Variants in GET1 observed in about 807,000 individuals in gnomAD.
GET1 encodes guided entry of tail-anchored proteins factor 1.
In GET1, 20 loss-of-function variants were observed where a neutral mutation model predicts 22.6. The observed-to-expected ratio is 0.89, with a 90% CI of 0.62 to 1.29. GET1 has a LOEUF of 1.29. GET1 is among the 50% of genes most tolerant of loss of function. The probability of loss-of-function intolerance (pLI) is 0.00; values close to 1 mark genes in which losing one functional copy is unlikely to be tolerated. For synonymous variants in GET1, 92 were observed against 83.8 expected, an observed-to-expected ratio of 1.10 and a Z score of -0.53; for missense variants, 209 against 219.9, an observed-to-expected ratio of 0.95 and a Z score of 0.31.
At position 39,396,905 on chromosome 21, in the gene GET1, A is replaced by G. The variant is rs2038693537; in HGVS notation, c.491A>G (p.Lys164Arg). 1 of 1,613,902 alleles carries G rather than the reference A, an allele frequency of 6.2e-7. No individual in the cohort carries two copies. Among genetic ancestry groups the G allele is most frequent in the Non-Finnish European group, 8.5e-7 (1 of 1,180,028 alleles). ...GITCWILVCN[K>R]VVAIVLHPFS is the part of the protein sequence containing the mutation. ...ACCTGTTGGATTTTAGTCTGTAACA[A>G]AGTTGTCGCTATTGTGCTTCATCCG... The change falls in exon 5 of 5, where the codon AAA (lysine) becomes AGA (arginine). Residue 164 changes from lysine to arginine, a missense_variant. Transcript: ENST00000649170.
chr21:39,398,528 G>A (rs2038757005), downstream of GET1, among the ~76,000 whole-genome samples: 1 of 151,958 alleles, frequency 6.6e-6, no homozygotes, highest in East Asian at 1.9e-4. Flanking sequence ...TTCCCCATGC[G>A]TGAATAGTTT....
intron 1 of GET1, among the ~76,000 whole-genome samples, chr21:39,381,856 G>T (rs1239242716): frequency 6.6e-6 from 1 of 151,968 alleles, no homozygotes; most frequent in African/African-American, 2.4e-5. Context: ...TCCCACCTCA[G>T]CCTCCCAAGT....
At chr21:39,383,165 A>C (rs912323932) in intron 1 of GET1, among the ~76,000 whole-genome samples, 1 of 152,032 alleles carries the variant, frequency 6.6e-6, no homozygotes, top group Non-Finnish European at 1.5e-5. Flanking sequence ...CGAATTAGCC[A>C]GGATGGTCTC....
In GET1 at chr21:39,390,542, C is replaced by T. The variant is rs370443053; in HGVS notation, c.103-156C>T. 1.5e-3 allele frequency among the ~76,000 whole-genome samples: 225 copies of T among 152,280 alleles called. 7 individuals carry two copies. In the South Asian group the frequency reaches 0.032, roughly 22 times the overall value. On this transcript the variant is annotated intron_variant, in intron 1 of 4. Transcript: ENST00000649170. ...CTTTGCTCTTTATCAGTCCTGGGAA[C>T]GTTCACGGCCGCAGTTTGCATTCAG...
At chr21:39,411,408 A>T (rs73365940), downstream of GET1, among the ~76,000 whole-genome samples, 1 of 152,156 alleles carries the variant, frequency 6.6e-6, no homozygotes, top group African/African-American at 2.4e-5. Flanking sequence ...AAAGCCATAC[A>T]CTGGCTAACA....
chr21:39,414,861 A>T (rs2040859791), intron 1 of GET1, among the ~76,000 whole-genome samples: 1 of 151,514 alleles, frequency 6.6e-6, no homozygotes, highest in Non-Finnish European at 1.5e-5. Context: ...ATCTTCCAGA[A>T]ATTCTTTGTT....
At chr21:39,408,593 T>C (rs545388098), downstream of GET1, 12 of 152,428 alleles carry the variant, frequency 7.9e-5, no homozygotes, top group South Asian at 2.3e-3. Context: ...GTACTCTCTA[T>C]CAAACCCTGC....
Position 39,405,351 on chromosome 21 carries a change from A to G in GET1, c.350-563A>G, listed in dbSNP as rs1324828090. Among the ~76,000 whole-genome samples, 4 of 149,644 alleles carry G rather than the reference A, an allele frequency of 2.7e-5. No homozygotes were observed. In the East Asian group the frequency reaches 6.1e-4, roughly 23 times the overall value. ...TGGGACTACAGGCACACACCACCAC[A>G]CCTGGCTAATTCTTATAATTTTTGT... On this transcript the variant is annotated intron_variant, in intron 4 of 4. Transcript: ENST00000415847.
chr21:39,422,135 GAAGA>G (rs887601784), intron 1 of GET1: 3 of 152,138 alleles, frequency 2.0e-5, no homozygotes, highest in Admixed American at 6.5e-5. Context: ...TTTAACAACA[GAAGA>G]AATAACTGAG....
At chr21:39,420,778 C>G (rs753785112) in intron 1 of GET1, 3 of 1,613,632 alleles carry the variant, frequency 1.9e-6, no homozygotes, top group Non-Finnish European at 2.5e-6. Context: ...CTAAAGTCTT[C>G]CGAGTCTCAA....
chr21:39,386,398 G>A (rs535985673), intron 1 of GET1: 1 of 152,374 alleles, frequency 6.6e-6, no homozygotes, highest in Admixed American at 6.5e-5. Context: ...ACTCAGAAGC[G>A]CGCTTGTGAA....
At chr21:39,398,913 T>C (rs1323796215), downstream of GET1, among the ~76,000 whole-genome samples, 1 of 150,944 alleles carries the variant, frequency 6.6e-6, no homozygotes, top group Non-Finnish European at 1.5e-5. Flanking sequence ...CTAATTTTTG[T>C]ATTTTTAGTA....
At chr21:39,402,619 C>T (rs778726173), downstream of GET1, among the ~76,000 whole-genome samples, 3 of 152,192 alleles carry the variant, frequency 2.0e-5, no homozygotes, top group South Asian at 4.1e-4. Context: ...AATTTCTTTT[C>T]GTGTTTACCA....
At chr21:39,400,244 G>T (rs2038807657), downstream of GET1, among the ~76,000 whole-genome samples, 1 of 152,202 alleles carries the variant, frequency 6.6e-6, no homozygotes, top group African/African-American at 2.4e-5. Flanking sequence ...CTCCCTTATG[G>T]TGGTGGTTTC....
intron 1 of GET1, among the ~76,000 whole-genome samples, chr21:39,383,769 C>A (rs1010696654): frequency 3.3e-5 from 5 of 150,472 alleles, no homozygotes; most frequent in African/African-American, 1.2e-4. Context: ...GAGAGGGAGT[C>A]TCTCTCTGTC....
chr21:39,390,883 C>T lies in GET1; in HGVS notation c.268+20C>T, dbSNP rs771918250. 1.1e-5 allele frequency: 17 copies of T among 1,613,178 alleles called. No homozygotes were observed. The South Asian group carries it at 1.9e-4, about 18-fold the overall frequency. On this transcript the variant is annotated intron_variant, in intron 2 of 4. Coordinates refer to ENST00000649170, the MANE Select transcript of GET1 (RefSeq NM_004627.6). ...CCCATGGTACTGTGTCCCTTGCAGC[C>T]TGGAGGCTTCATGAGAGCGGATGAA...
chr21:39,403,819 A>G (rs937410243), intron 4 of GET1, among the ~76,000 whole-genome samples: 3 of 151,236 alleles, frequency 2.0e-5, no homozygotes, highest in Non-Finnish European at 4.4e-5. Flanking sequence ...ACGGGGTTTC[A>G]CCAAATTGGT....
intron 1 of GET1, among the ~76,000 whole-genome samples, chr21:39,415,468 T>C (rs1350218999): frequency 6.6e-6 from 1 of 152,224 alleles, no homozygotes; most frequent in East Asian, 1.9e-4. Flanking sequence ...TCCCACTCTC[T>C]CTGACCACTC....
chr21:39,406,315 G>T, exon 5 of GET1: 2 of 1,614,210 alleles, frequency 1.2e-6, no homozygotes, highest in Non-Finnish European at 1.7e-6. Context: ...AGTTGCTTCT[G>T]TGAATGAGTA....
Sources: allele counts gnomAD v4.1 joint callset (sites outside exome capture counted in the v4.1 genomes callset), GRCh38; gene constraint gnomAD v4.1.1; transcripts MANE v1.5; gene names NCBI Gene and HGNC (gene_info 2026-07-23, HGNC 2026-07-21).